The following KLHDC1 variants were observed in gnomAD, a reference collection of about 807,000 sequenced individuals.
KLHDC1 encodes kelch domain containing 1, also known as kelch domain-containing protein 1.
In KLHDC1, 53 loss-of-function variants were observed where a neutral mutation model predicts 68.3. That is an observed-to-expected ratio of 0.78 (90% CI 0.62 to 0.98). The LOEUF is 0.98. Among genes scored for constraint, KLHDC1 ranks in the 50% least tolerant of loss-of-function variants. The pLI, the probability that KLHDC1 is intolerant of heterozygous loss-of-function variation, is 0.00. For synonymous variants in KLHDC1, 148 were observed against 159.0 expected (o/e 0.93, Z 0.52); for missense variants, 470 against 492.3 (o/e 0.95, Z 0.43).
Position 49,751,834 on chromosome 14 carries a change from C to G in KLHDC1, c.*62C>G, listed in dbSNP as rs1889327952. Reference sequence around the variant, plus strand: ...TTTTTAATCAGACTATACATTTACACTCCCAAATTGCAGGCTTTATTTAAA... The same window carrying G: ...TTTTTAATCAGACTATACATTTACAGTCCCAAATTGCAGGCTTTATTTAAA... On this transcript the variant is annotated 3_prime_UTR_variant, in exon 13 of 13. Transcript: ENST00000359332. 2.6e-6 allele frequency: 2 copies of G among 768,872 alleles called. No homozygotes were observed. The highest frequency in any genetic ancestry group is 7.5e-5 in the Admixed American group (2 of 26,806). 47.6% of individuals were successfully genotyped at this position (768,872 alleles called of 1,614,324 possible).
intron 4 of KLHDC1, among the ~76,000 whole-genome samples, chr14:49,718,886 C>A (rs1176312134): frequency 7.0e-6 from 1 of 142,920 alleles, no homozygotes; most frequent in Non-Finnish European, 1.5e-5. Flanking sequence ...AAGTGATTCT[C>A]CTGCCTCAGC....
intron 1 of KLHDC1, among the ~76,000 whole-genome samples, chr14:49,701,018 G>C (rs1887889799): frequency 1.3e-5 from 2 of 151,994 alleles, no homozygotes; most frequent in Admixed American, 6.6e-5. Context: ...GGGAGGCAGA[G>C]GTTGCATGAG....
intron 1 of KLHDC1, among the ~76,000 whole-genome samples, chr14:49,701,718 G>A (rs1487174525): frequency 1.3e-5 from 2 of 152,030 alleles, no homozygotes. Flanking sequence ...AAAACGAGGA[G>A]GCAAATGGCA....
chr14:49,711,728 G>C (rs552380441), intron 4 of KLHDC1, among the ~76,000 whole-genome samples: 3 of 151,890 alleles, frequency 2.0e-5, no homozygotes, highest in African/African-American at 7.2e-5. Flanking sequence ...TTTGTTTTAA[G>C]GGTTTTCTTC....
At chr14:49,717,579 C>G (rs771820956) in intron 4 of KLHDC1, among the ~76,000 whole-genome samples, 3 of 152,058 alleles carry the variant, frequency 2.0e-5, no homozygotes, top group African/African-American at 7.2e-5. Flanking sequence ...TGTTACGTTA[C>G]GGTAGTACTT....
intron 1 of KLHDC1, among the ~76,000 whole-genome samples, chr14:49,698,273 G>A (rs927885435): frequency 1.3e-5 from 2 of 151,942 alleles, no homozygotes; most frequent in Admixed American, 1.3e-4. Context: ...GCACGATCTC[G>A]GCTCACTGCA....
In KLHDC1 at chr14:49,737,328, A is replaced by G. The variant is rs1236565555; in HGVS notation, c.896+2667A>G. Among the ~76,000 whole-genome samples, 3 of 152,296 alleles carry G rather than the reference A, an allele frequency of 2.0e-5. No homozygotes were observed. The East Asian group carries it at 5.8e-4, about 29-fold the overall frequency. On this transcript the variant is annotated intron_variant, in intron 10 of 12. Transcript: ENST00000359332. ...ATGACTTAGTTCCATTTTGGGCCAC[A>G]AGTGCATTTGTCATTGAATGTGTAC...
rs941509254 is a variant in KLHDC1 at position 49,752,124 on chromosome 14, A to T, written c.*352A>T. 1 of 153,572 alleles carries T rather than the reference A, an allele frequency of 6.5e-6. No homozygotes were observed. The highest frequency in any genetic ancestry group is 1.5e-5 in the Non-Finnish European group (1 of 68,950). The allele number at this position is 153,572 out of a possible 1,614,324, so 9.5% of individuals were successfully genotyped here. A position where few individuals can be genotyped will look rare whatever the true frequency, so the allele number is the denominator to read the frequency against. On this transcript the variant is annotated 3_prime_UTR_variant, in exon 13 of 13. Transcript: ENST00000359332. ...CAGAAATCTGCAACATAATTTTATA[A>T]ATATATAAATACATGTATGTATGTC...
At position 49,725,759 on chromosome 14, in the gene KLHDC1, C is replaced by A; in HGVS notation, c.557C>A (p.Pro186Gln). 1 of 1,547,392 alleles carries A rather than the reference C, an allele frequency of 6.5e-7. No individual in the cohort carries two copies. Among genetic ancestry groups the A allele is most frequent in the Non-Finnish European group, 8.8e-7 (1 of 1,132,328 alleles). The change falls in exon 6 of 13, where the codon CCA (proline) becomes CAA (glutamine). Residue 186 changes from proline to glutamine, a missense_variant. Physicochemically the swap from Pro to Gln is moderately conservative, Grantham distance 76. Transcript: ENST00000359332. ...FDTKTQTWFQ[P>Q]EIKGGVPPQP... Reference sequence around the variant, plus strand: ...ACAAAGACACAGACTTGGTTTCAACCAGAAATTAAAGTAAGTGTGGTAAAA... The same window carrying A: ...ACAAAGACACAGACTTGGTTTCAACAAGAAATTAAAGTAAGTGTGGTAAAA...
intron 1 of KLHDC1, among the ~76,000 whole-genome samples, chr14:49,705,483 C>G (rs1888027349): frequency 2.8e-5 from 4 of 141,732 alleles, no homozygotes; most frequent in South Asian, 4.6e-4. Flanking sequence ...ATTCTCCTGT[C>G]TCAGCCTCCT....
At chr14:49,720,360 T>G (rs1178906019) in intron 4 of KLHDC1, among the ~76,000 whole-genome samples, 1 of 152,172 alleles carries the variant, frequency 6.6e-6, no homozygotes, top group African/African-American at 2.4e-5. Context: ...GTTCAAGCAC[T>G]CCTCCTGCCT....
rs1317271716 is a variant in KLHDC1, at chr14:49,751,756, G to A, written c.1205G>A (p.Trp402Ter). 3 of 1,561,458 alleles carry A rather than the reference G, an allele frequency of 1.9e-6. No homozygotes were observed. The highest frequency in any genetic ancestry group is 1.4e-5 in the African/African-American group (1 of 72,802). The change falls in exon 13 of 13, where the codon TGG becomes TAG. Residue 402 changes from tryptophan to a stop codon, truncating the protein, a stop_gained. Transcript: ENST00000359332. LOFTEE classifies it high-confidence loss of function. ...QKEETENKYQ[W>*]ISSN ...GAAGAAACAGAAAATAAATATCAGT[G>A]GATCAGTAGCAATTAAATTGTTATA...
intron 1 of KLHDC1, among the ~76,000 whole-genome samples, chr14:49,707,440 G>A (rs772016206): frequency 6.0e-5 from 8 of 133,556 alleles, no homozygotes; most frequent in East Asian, 2.3e-4. Flanking sequence ...CTCCACCTCC[G>A]GGGTTCAAGC....
intron 7 of KLHDC1, 66 bp from the exon 8 acceptor site, chr14:49,729,424 T>C: frequency 3.7e-6 from 4 of 1,073,958 alleles, no homozygotes; most frequent in Non-Finnish European, 5.8e-6. Context: ...GAACTTACTT[T>C]AAAAGAAAAA....
intron 6 of KLHDC1, 75 bp from the exon 7 acceptor site, chr14:49,728,851 C>A: frequency 9.7e-7 from 1 of 1,035,388 alleles, no homozygotes; most frequent in Non-Finnish European, 1.5e-6. Context: ...AAGACTTTCA[C>A]ATACTGAGCA....
At chr14:49,735,418 A>G (rs962506085) in intron 10 of KLHDC1, among the ~76,000 whole-genome samples, 1 of 152,054 alleles carries the variant, frequency 6.6e-6, no homozygotes, top group Non-Finnish European at 1.5e-5. Context: ...AATGATATAT[A>G]TTTTGTTATT....
rs538720265 is a variant in KLHDC1, at chr14:49,727,736, A to G, written c.568-1190A>G. Among the ~76,000 whole-genome samples the G allele has an allele frequency of 2.0e-5, 3 of 152,332 alleles. No individual in the cohort carries two copies. In the South Asian group the frequency reaches 6.2e-4, roughly 32 times the overall value. ...GAACCAAAATTCTTAAGTGGTTCTCATTTAAGTGTTATATAGGTAATATCT... is the reference window on the plus strand; with the variant it reads ...GAACCAAAATTCTTAAGTGGTTCTCGTTTAAGTGTTATATAGGTAATATCT... On this transcript the variant is annotated intron_variant, in intron 6 of 12. Transcript: ENST00000359332.
chr14:49,719,265 G>T (rs550870533), intron 4 of KLHDC1, among the ~76,000 whole-genome samples: 3 of 151,656 alleles, frequency 2.0e-5, no homozygotes, highest in African/African-American at 4.8e-5. Flanking sequence ...TTCCCTCTGA[G>T]CCCTGCCTTC....
rs1346077808 is a variant in KLHDC1 at position 49,751,877 on chromosome 14, TAAAA to T, written c.*109_*112del. Reference sequence around the variant, plus strand: ...TATTTAAAGGATAAAATTTAAAGGATAAAAAAACAGTCACTCTGTTAAGTGACTA... The same window carrying T: ...TATTTAAAGGATAAAATTTAAAGGATAAACAGTCACTCTGTTAAGTGACTA... On this transcript the variant is annotated 3_prime_UTR_variant, in exon 13 of 13. Coordinates refer to ENST00000359332, the MANE Select transcript of KLHDC1 (RefSeq NM_172193.3). The T allele has an allele frequency of 1.9e-6, 1 of 521,622 alleles. No homozygotes were observed. Among genetic ancestry groups the T allele is most frequent in the African/African-American group, 2.0e-5 (1 of 50,558 alleles). The allele number at this position is 521,622 out of a possible 1,614,324, so 32.3% of individuals were successfully genotyped here.
Sources: allele counts gnomAD v4.1 joint callset (sites outside exome capture counted in the v4.1 genomes callset), GRCh38; gene constraint gnomAD v4.1.1; transcripts MANE v1.5; gene names NCBI Gene and HGNC (gene_info 2026-07-23, HGNC 2026-07-21).